Variants in SLC25A31 observed in about 807,000 individuals in gnomAD.
The protein encoded by SLC25A31 is ADP/ATP translocase 4.
In SLC25A31, 40 loss-of-function variants were observed where a neutral mutation model predicts 36.2. The observed-to-expected ratio is 1.10, with a 90% CI of 0.86 to 1.44. The LOEUF (loss-of-function observed/expected upper bound fraction) is 1.44. Among genes scored for constraint, SLC25A31 ranks in the 40% most tolerant of loss-of-function variants. SLC25A31 has a pLI of 0.00. For synonymous variants in SLC25A31, 143 were observed against 149.7 expected (o/e 0.96, Z 0.32); for missense variants, 350 against 397.1 (o/e 0.88, Z 1.01).
At chr4:127,749,685 G>A (rs1731891516) in intron 2 of SLC25A31, among the ~76,000 whole-genome samples, 1 of 149,104 alleles carries the variant, frequency 6.7e-6, no homozygotes, top group African/African-American at 2.5e-5. Flanking sequence ...TTCCAGCCTG[G>A]GTGACAGAGT....
chr4:127,745,599 G>T (rs893114558), intron 2 of SLC25A31, among the ~76,000 whole-genome samples: 1 of 152,018 alleles, frequency 6.6e-6, no homozygotes, highest in Non-Finnish European at 1.5e-5. Flanking sequence ...ACATTTCATT[G>T]TTGCTGCCTC....
At chr4:127,762,363 G>A (rs567181423) in intron 2 of SLC25A31, among the ~76,000 whole-genome samples, 2 of 152,240 alleles carry the variant, frequency 1.3e-5, no homozygotes, top group African/African-American at 4.8e-5. Context: ...TATATGAAAT[G>A]TCCAGGATAA....
chr4:127,764,591 A>G (rs1228220274), intron 3 of SLC25A31, among the ~76,000 whole-genome samples: 2 of 152,192 alleles, frequency 1.3e-5, no homozygotes, highest in African/African-American at 2.4e-5. Flanking sequence ...AAAATTGCTT[A>G]TAACTTAGTC....
At position 127,735,888 on chromosome 4, in the gene SLC25A31, A is replaced by AT. The variant is rs1250183377; in HGVS notation, c.232+5114dup. On this transcript the variant is annotated intron_variant, in intron 1 of 5. Transcript: ENST00000281154. ...TTTTATTTTATTTATTTATTTATTTATTTATTTATTTTTTTTTTTGAGACG... is the reference window on the plus strand; with the variant it reads ...TTTTATTTTATTTATTTATTTATTTATTTTATTTATTTTTTTTTTTGAGACG... Among the ~76,000 whole-genome samples the AT allele has an allele frequency of 5.6e-3, 268 of 47,852 alleles. 4 individuals are homozygous for AT. The highest frequency in any genetic ancestry group is 7.2e-3 in the African/African-American group (94 of 13,094). 31.4% of individuals were successfully genotyped at this position (47,852 alleles called of 152,430 possible).
Position 127,768,754 on chromosome 4 carries a change from T to TTTA in SLC25A31, c.640_642dup (p.Leu214dup). ...CTTGGCACATTTTTCTTTTCTAGGG[T>TTTA]TTATTACCAAAGCCAAAGAAAACTC... On this transcript the variant is annotated inframe_insertion, in exon 5 of 6. Coordinates refer to ENST00000281154, the MANE Select transcript of SLC25A31 (RefSeq NM_031291.4). 1 of 1,597,068 alleles carries TTTA rather than the reference T, an allele frequency of 6.3e-7. No homozygotes were observed. Among genetic ancestry groups the TTTA allele is most frequent in the Non-Finnish European group, 8.5e-7 (1 of 1,173,844 alleles).
chr4:127,766,238 G>A (rs1411611985), intron 3 of SLC25A31, among the ~76,000 whole-genome samples: 1 of 151,256 alleles, frequency 6.6e-6, no homozygotes, highest in Non-Finnish European at 1.5e-5. Flanking sequence ...CATGATCTCA[G>A]CTCACTGCAG....
At chr4:127,740,863 T>A (rs1456959585) in intron 1 of SLC25A31, among the ~76,000 whole-genome samples, 1 of 152,140 alleles carries the variant, frequency 6.6e-6, no homozygotes, top group Non-Finnish European at 1.5e-5. Context: ...ACAGAAAGGG[T>A]AGGGTGGCTC....
chr4:127,741,213 A>G (rs537315908), intron 1 of SLC25A31, among the ~76,000 whole-genome samples: 64 of 152,188 alleles, frequency 4.2e-4, no homozygotes, highest in Admixed American at 8.5e-4. Flanking sequence ...TTTAATTTGG[A>G]TACTTTTCTT....
In SLC25A31 at chr4:127,746,654, T is replaced by C. The variant is rs188273598; in HGVS notation, c.360+1855T>C. Among the ~76,000 whole-genome samples the C allele has an allele frequency of 4.1e-3, 618 of 152,212 alleles. 1 individual carries two copies. The highest frequency in any genetic ancestry group is 5.6e-3 in the Non-Finnish European group (383 of 67,980). ...TTGTTTTTCTGTTGCAAATTTAAGTTCCTTGTAGATGCTAGATAGTAGCTA... is the reference window on the plus strand; with the variant it reads ...TTGTTTTTCTGTTGCAAATTTAAGTCCCTTGTAGATGCTAGATAGTAGCTA... On this transcript the variant is annotated intron_variant, in intron 2 of 5. Coordinates refer to ENST00000281154, the MANE Select transcript of SLC25A31 (RefSeq NM_031291.4).
intron 2 of SLC25A31, among the ~76,000 whole-genome samples, chr4:127,746,905 G>A (rs750472421): frequency 2.0e-5 from 3 of 151,972 alleles, no homozygotes; most frequent in Non-Finnish European, 2.9e-5. Flanking sequence ...TATAGTTTTG[G>A]GTTTTTCATT....
intron 2 of SLC25A31, among the ~76,000 whole-genome samples, chr4:127,747,345 G>T (rs1731844324): frequency 6.6e-6 from 1 of 152,108 alleles, no homozygotes; most frequent in South Asian, 2.1e-4. Context: ...TCTGTAAATT[G>T]CTTTGGGAAA....
intron 5 of SLC25A31, among the ~76,000 whole-genome samples, chr4:127,772,672 C>G (rs1368904116): frequency 6.6e-6 from 1 of 151,938 alleles, no homozygotes; most frequent in South Asian, 2.1e-4. Flanking sequence ...AATTACAACT[C>G]GAAGCTGCAT....
intron 5 of SLC25A31, among the ~76,000 whole-genome samples, chr4:127,772,984 T>C (rs1193273778): frequency 6.6e-6 from 1 of 152,046 alleles, no homozygotes; most frequent in Non-Finnish European, 1.5e-5. Context: ...CATTTTTCCA[T>C]ATTGCCCAGG....
intron 2 of SLC25A31, among the ~76,000 whole-genome samples, chr4:127,756,428 T>C (rs992873095): frequency 1.3e-5 from 2 of 152,116 alleles, no homozygotes; most frequent in Admixed American, 6.6e-5. Context: ...CTGAGGTCGA[T>C]GGAGCGTGGG....
chr4:127,771,463 A>G (rs1283294891), intron 5 of SLC25A31, among the ~76,000 whole-genome samples: 1 of 152,200 alleles, frequency 6.6e-6, no homozygotes, highest in African/African-American at 2.4e-5. Context: ...ACATCCCACA[A>G]CTTTGTTAAC....
chr4:127,733,401 G>A (rs1469194354), intron 1 of SLC25A31, among the ~76,000 whole-genome samples: 2 of 151,938 alleles, frequency 1.3e-5, no homozygotes, highest in Non-Finnish European at 2.9e-5. Context: ...CATTTCCTTT[G>A]CCCATGATGT....
At chr4:127,750,360 A>G (rs1280819444) in intron 2 of SLC25A31, among the ~76,000 whole-genome samples, 2 of 152,232 alleles carry the variant, frequency 1.3e-5, no homozygotes, top group Non-Finnish European at 2.9e-5. Context: ...TTGATTATAT[A>G]GTCAAAAATC....
intron 1 of SLC25A31, among the ~76,000 whole-genome samples, chr4:127,735,151 G>T (rs185810998): frequency 1.3e-5 from 2 of 152,138 alleles, no homozygotes; most frequent in African/African-American, 4.8e-5. Flanking sequence ...AAGAAATGGC[G>T]TATTATTTCA....
intron 1 of SLC25A31, among the ~76,000 whole-genome samples, chr4:127,733,536 T>C (rs1336285798): frequency 6.6e-6 from 1 of 152,218 alleles, no homozygotes; most frequent in African/African-American, 2.4e-5. Flanking sequence ...TACACATATT[T>C]ATTTGACGTA....
Sources: gnomAD v4.1 joint callset for allele counts (sites outside exome capture counted in the v4.1 genomes callset) on GRCh38, gnomAD v4.1.1 for gene constraint, MANE v1.5 for transcripts, NCBI Gene and HGNC (gene_info 2026-07-23, HGNC 2026-07-21) for gene names.